PPP2R2C: variants seen among roughly 807,000 people sequenced by gnomAD.
The protein encoded by PPP2R2C is protein phosphatase 2, regulatory subunit B, gamma.
Under a neutral mutation model 45.3 loss-of-function variants are expected in PPP2R2C, and 10 were observed. That is an observed-to-expected ratio of 0.22 (90% CI 0.14 to 0.37). The LOEUF (loss-of-function observed/expected upper bound fraction) is 0.37. Ranked by LOEUF, PPP2R2C falls within the 10% of genes least tolerant of loss-of-function variation. The pLI is 1.00. For missense variants in PPP2R2C, 308 were observed against 619.7 expected (o/e 0.50, Z 5.34); for synonymous variants, 257 against 245.4 (o/e 1.05, Z -0.44).
chr4:6,394,025 C>T (rs1173162973), intron 1 of PPP2R2C, among the ~76,000 whole-genome samples: 1 of 152,230 alleles, frequency 6.6e-6, no homozygotes, highest in Non-Finnish European at 1.5e-5. Flanking sequence ...ATGCTCCCTG[C>T]CTTCCTTCTT....
chr4:6,449,716 G>A (rs551167522), intron 1 of PPP2R2C, among the ~76,000 whole-genome samples: 4 of 152,218 alleles, frequency 2.6e-5, no homozygotes, highest in Non-Finnish European at 5.9e-5. Context: ...CCTGGTCCCT[G>A]TCCCAAGAGT....
intron 1 of PPP2R2C, among the ~76,000 whole-genome samples, chr4:6,410,345 C>T (rs1450612030): frequency 6.6e-6 from 1 of 152,120 alleles, no homozygotes; most frequent in African/African-American, 2.4e-5. Flanking sequence ...GCCCTCGTCA[C>T]CCATCATGGA....
At position 6,382,871 on chromosome 4, in the gene PPP2R2C, A is replaced by T. The variant is rs912800082; in HGVS notation, c.71-1777T>A. On this transcript the variant is annotated intron_variant, in intron 1 of 8. Transcript: ENST00000382599. The stretch of plus-strand genomic sequence containing the variant: ...GAGAGGCTGGTAACACCCAGGACTG[A>T]TCCTGGCACTCCCCTGCTCAAAACC... 16 of 1,108,480 alleles carry T rather than the reference A, an allele frequency of 1.4e-5. No individual in the cohort carries two copies. The African/African-American group carries it at 1.8e-4, about 13-fold the overall frequency. The allele number at this position is 1,108,480 out of a possible 1,614,324, so 68.7% of individuals were successfully genotyped here. A position where few individuals can be genotyped will look rare whatever the true frequency, so the allele number is the denominator to read the frequency against.
chr4:6,358,417 T>C (rs1362025650), intron 5 of PPP2R2C, among the ~76,000 whole-genome samples: 2 of 151,294 alleles, frequency 1.3e-5, no homozygotes, highest in East Asian at 1.9e-4. Context: ...ATTCAGGACA[T>C]AGGCATGGGC....
chr4:6,512,493 G>A (rs1039505361), intron 2 of PPP2R2C, among the ~76,000 whole-genome samples: 1 of 116,668 alleles, frequency 8.6e-6, no homozygotes, highest in Admixed American at 9.6e-5. Flanking sequence ...TGATGGTGAT[G>A]GTGGTGGTGG....
chr4:6,353,109 C>T (rs1712716283), intron 5 of PPP2R2C, among the ~76,000 whole-genome samples: 1 of 152,052 alleles, frequency 6.6e-6, no homozygotes, highest in African/African-American at 2.4e-5. Context: ...TTGTGGCCCC[C>T]AGGACGGTGA....
At chr4:6,431,919 G>A (rs1032424700) in intron 1 of PPP2R2C, among the ~76,000 whole-genome samples, 2 of 152,150 alleles carry the variant, frequency 1.3e-5, no homozygotes, top group African/African-American at 4.8e-5. Flanking sequence ...TCGAGGTGTA[G>A]AAGCTTCAGT....
chr4:6,534,923 A>G (rs1035510417), intron 2 of PPP2R2C, among the ~76,000 whole-genome samples: 3 of 152,170 alleles, frequency 2.0e-5, no homozygotes, highest in African/African-American at 4.8e-5. Flanking sequence ...CACAGCGGGC[A>G]CTCAACACTG....
intron 2 of PPP2R2C, among the ~76,000 whole-genome samples, chr4:6,529,926 G>C (rs1724340509): frequency 6.6e-6 from 1 of 152,308 alleles, no homozygotes; most frequent in Middle Eastern, 3.4e-3. Context: ...TGGGAGGAGA[G>C]GCTAGAGCGC....
intron 1 of PPP2R2C, among the ~76,000 whole-genome samples, chr4:6,429,139 T>C (rs564588328): frequency 6.6e-6 from 1 of 152,184 alleles, no homozygotes; most frequent in South Asian, 2.1e-4. Flanking sequence ...AATCAAACTT[T>C]ATTTACAAAG....
chr4:6,539,771 G>A (rs1016070845), intron 1 of PPP2R2C, among the ~76,000 whole-genome samples: 1 of 152,096 alleles, frequency 6.6e-6, no homozygotes, highest in Non-Finnish European at 1.5e-5. Flanking sequence ...GATTACCCTC[G>A]CTCAGCCTCA....
rs576913008 is a variant in PPP2R2C at position 6,368,384 on chromosome 4, G to A, written c.625+4139C>T. Among the ~76,000 whole-genome samples the A allele has an allele frequency of 7.2e-4, 110 of 152,254 alleles. No individual in the cohort carries two copies. Among genetic ancestry groups the A allele is most frequent in the Non-Finnish European group, 1.2e-3 (85 of 68,022 alleles). ...TCCAATGCCGGGTATTTTACCAATG[G>A]TTTATCACGTGTCCACTCCTGGAGG... is the stretch of plus-strand genomic sequence containing the variant. On this transcript the variant is annotated intron_variant, in intron 5 of 8. Coordinates refer to ENST00000382599, the MANE Select transcript of PPP2R2C (RefSeq NM_020416.4). The surrounding 1 kb of genome is among the most constrained non-coding windows in gnomAD (Gnocchi z 4.2).
intron 1 of PPP2R2C, among the ~76,000 whole-genome samples, chr4:6,405,020 A>G (rs1717699871): frequency 2.6e-5 from 4 of 152,222 alleles, no homozygotes; most frequent in Admixed American, 2.0e-4. Flanking sequence ...GGCAAATTAA[A>G]TGAGTGAATA....
intron 7 of PPP2R2C, among the ~76,000 whole-genome samples, chr4:6,333,193 A>T (rs1417186782): frequency 1.3e-5 from 2 of 152,128 alleles, no homozygotes; most frequent in African/African-American, 4.8e-5. Context: ...ACCCTCTTTA[A>T]TGGTACAGCT....
chr4:6,473,700 C>T (rs906318497), upstream of PPP2R2C, among the ~76,000 whole-genome samples: 2 of 152,206 alleles, frequency 1.3e-5, no homozygotes, highest in African/African-American at 4.8e-5. Flanking sequence ...GAACTCCAGA[C>T]AGCTCCCCAA....
At chr4:6,412,422 C>A (rs1718251554) in intron 1 of PPP2R2C, among the ~76,000 whole-genome samples, 1 of 152,164 alleles carries the variant, frequency 6.6e-6, no homozygotes, top group South Asian at 2.1e-4. Flanking sequence ...AGCTGCCTGC[C>A]TAATATCACA....
At chr4:6,374,408 G>A (rs1442755037) in intron 4 of PPP2R2C, among the ~76,000 whole-genome samples, 1 of 152,202 alleles carries the variant, frequency 6.6e-6, no homozygotes, top group Non-Finnish European at 1.5e-5. Flanking sequence ...GGTTTCATGA[G>A]TAAAACATGC....
At chr4:6,340,014 C>A (rs566307558) in intron 6 of PPP2R2C, among the ~76,000 whole-genome samples, 2 of 152,076 alleles carry the variant, frequency 1.3e-5, no homozygotes, top group Non-Finnish European at 2.9e-5. Flanking sequence ...GCCTCCTGTT[C>A]GGCCTCTTTC....
At chr4:6,527,007 C>T (rs537898449) in intron 2 of PPP2R2C, among the ~76,000 whole-genome samples, 8 of 152,228 alleles carry the variant, frequency 5.3e-5, no homozygotes, top group Non-Finnish European at 8.8e-5. Context: ...GAGTGGGAGA[C>T]GCCAACCACG....
Sources: gnomAD v4.1 joint callset for allele counts (sites outside exome capture counted in the v4.1 genomes callset) on GRCh38, gnomAD v4.1.1 for gene constraint, Gnocchi (gnomAD v3.1) non-coding constraint, MANE v1.5 for transcripts, NCBI Gene and HGNC (gene_info 2026-07-23, HGNC 2026-07-21) for gene names.